The following PIAS2 variants were observed in gnomAD, a reference collection of about 807,000 sequenced individuals.
PIAS2 encodes the protein protein inhibitor of activated STAT 2.
PIAS2 carries 19 observed loss-of-function variants against 69.7 expected under a neutral mutation model. That is an observed-to-expected ratio of 0.27 (90% CI 0.19 to 0.40). The LOEUF is 0.40. PIAS2 is among the 10% of genes least tolerant of loss of function. The pLI is 1.00. For synonymous variants in PIAS2, 261 were observed against 263.2 expected, an observed-to-expected ratio of 0.99 and a Z score of 0.08; for missense variants, 624 against 757.0, an observed-to-expected ratio of 0.82 and a Z score of 2.06.
At chr18:46,828,521 A>G (rs2043139482) in intron 10 of PIAS2, among the ~76,000 whole-genome samples, 1 of 152,226 alleles carries the variant, frequency 6.6e-6, no homozygotes, top group South Asian at 2.1e-4. Flanking sequence ...AGAATGGGTG[A>G]GTTCAACAGC....
chr18:46,819,939 T>TC (rs1269805827), intron 12 of PIAS2, among the ~76,000 whole-genome samples: 1 of 152,144 alleles, frequency 6.6e-6, no homozygotes. Flanking sequence ...TTCCCCCTTA[T>TC]CCAAGATTTT....
intron 2 of PIAS2, among the ~76,000 whole-genome samples, chr18:46,885,889 AAT>A (rs2053100394): frequency 1.3e-5 from 2 of 152,224 alleles, no homozygotes; most frequent in Admixed American, 1.3e-4. Context: ...TTGAACACCA[AAT>A]ATGAAAAGTT....
intron 1 of PIAS2, among the ~76,000 whole-genome samples, chr18:46,910,845 A>C (rs968034244): frequency 6.6e-6 from 1 of 152,220 alleles, no homozygotes; most frequent in Non-Finnish European, 1.5e-5. Flanking sequence ...CCACATGTAA[A>C]CTTTCAATCA....
intron 1 of PIAS2, among the ~76,000 whole-genome samples, chr18:46,904,475 G>A (rs780224061): frequency 2.6e-5 from 4 of 152,154 alleles, no homozygotes; most frequent in Non-Finnish European, 5.9e-5. Context: ...AGAAGGCCGG[G>A]TGCGGTGGCT....
Position 46,809,104 on chromosome 18 carries a change from A to G in PIAS2, c.*3329T>C, listed in dbSNP as rs949961754. The G allele has an allele frequency of 6.6e-6, 1 of 152,218 alleles. No homozygotes were observed. Among genetic ancestry groups the G allele is most frequent in the Non-Finnish European group, 1.5e-5 (1 of 68,030 alleles). The allele number at this position is 152,218 out of a possible 1,614,324, so 9.4% of individuals were successfully genotyped here. A position where few individuals can be genotyped will look rare whatever the true frequency, so the allele number is the denominator to read the frequency against. On this transcript the variant is annotated 3_prime_UTR_variant, in exon 14 of 14. Transcript: ENST00000585916. ...AAAATCCAACATTTTACCTTTCTTC[A>G]AATTCCTCAAGACTAAGGAAAACTT...
intron 1 of PIAS2, among the ~76,000 whole-genome samples, chr18:46,896,165 CAAAAAAA>C (rs1199712335): frequency 7.8e-4 from 25 of 31,932 alleles, no homozygotes; most frequent in South Asian, 2.3e-3. Context: ...AAGAAAAAAG[CAAAAAAA>C]AAAAAAAAAA....
rs1457134413 is a variant in PIAS2, at chr18:46,806,107, T to C, written c.*6326A>G. 6.6e-6 allele frequency: 1 copy of C among 152,166 alleles called. No individual in the cohort carries two copies. Among genetic ancestry groups the C allele is most frequent in the African/African-American group, 2.4e-5 (1 of 41,426 alleles). The allele number at this position is 152,166 out of a possible 1,614,324, so 9.4% of individuals were successfully genotyped here. A position where few individuals can be genotyped will look rare whatever the true frequency, so the allele number is the denominator to read the frequency against. On this transcript the variant is annotated 3_prime_UTR_variant, in exon 14 of 14. Coordinates refer to ENST00000585916, the MANE Select transcript of PIAS2 (RefSeq NM_004671.5). Reference sequence around the variant, plus strand: ...CATCATCTGAAACCAGTTCTCATAATTTTAAGTCTAGATTCCCATATCAGT... The same window carrying C: ...CATCATCTGAAACCAGTTCTCATAACTTTAAGTCTAGATTCCCATATCAGT...
At chr18:46,912,703 T>C (rs1346404746) in intron 1 of PIAS2, among the ~76,000 whole-genome samples, 4 of 152,092 alleles carry the variant, frequency 2.6e-5, no homozygotes, top group East Asian at 1.9e-4. Context: ...TGAAAAAATA[T>C]AGAGAGAAAG....
chr18:46,832,416 AAAACAAAC>A (rs555137415), intron 9 of PIAS2, among the ~76,000 whole-genome samples: 29 of 150,524 alleles, frequency 1.9e-4, no homozygotes, highest in South Asian at 6.4e-4. Flanking sequence ...ACTCCATCTC[AAAACAAAC>A]AAACAAACAA....
At chr18:46,840,176 G>C (rs931634189) in intron 8 of PIAS2, among the ~76,000 whole-genome samples, 1 of 147,914 alleles carries the variant, frequency 6.8e-6, no homozygotes, top group African/African-American at 2.5e-5. Flanking sequence ...GAAAGAAAAA[G>C]AAAAAAAAAA....
chr18:46,816,471 ATTTTT>A, intron 12 of PIAS2: 10 of 802,076 alleles, frequency 1.2e-5, no homozygotes, highest in Non-Finnish European at 1.5e-5. Flanking sequence ...GTTGCTACAG[ATTTTT>A]TTTTTTTCCT....
At chr18:46,818,288 G>A in intron 12 of PIAS2, 1 of 1,357,374 alleles carries the variant, frequency 7.4e-7, no homozygotes, top group Non-Finnish European at 9.5e-7. Flanking sequence ...CTGACAATAT[G>A]GCACTAGCAA....
chr18:46,851,500 A>C (rs780291979), intron 5 of PIAS2, among the ~76,000 whole-genome samples: 34 of 152,168 alleles, frequency 2.2e-4, no homozygotes, highest in Admixed American at 5.9e-4. Flanking sequence ...TCTGGCTGTC[A>C]GTCTGTACAC....
chr18:46,843,071 A>G (rs1037286986), intron 8 of PIAS2, among the ~76,000 whole-genome samples: 2 of 152,196 alleles, frequency 1.3e-5, no homozygotes, highest in Admixed American at 6.5e-5. Flanking sequence ...GAACAGGAAT[A>G]TCAGAACACT....
intron 9 of PIAS2, among the ~76,000 whole-genome samples, chr18:46,831,902 CT>C (rs1262854713): frequency 6.6e-6 from 1 of 152,148 alleles, no homozygotes; most frequent in African/African-American, 2.4e-5. Flanking sequence ...GGGAAAATGT[CT>C]TAAAATAATA....
At chr18:46,823,373 A>T (rs1289839227) in intron 11 of PIAS2, among the ~76,000 whole-genome samples, 1 of 151,416 alleles carries the variant, frequency 6.6e-6, no homozygotes, top group African/African-American at 2.4e-5. Flanking sequence ...CACACTGGAG[A>T]TTTTCTTTTG....
chr18:46,860,928 G>T (rs2145553560), intron 3 of PIAS2, among the ~76,000 whole-genome samples: 1 of 152,222 alleles, frequency 6.6e-6, no homozygotes, highest in African/African-American at 2.4e-5. Flanking sequence ...AACAAGCCAT[G>T]ATCACCACCA....
At chr18:46,818,016 C>A in intron 12 of PIAS2, 1 of 988,592 alleles carries the variant, frequency 1.0e-6, no homozygotes, top group African/African-American at 1.7e-5. Context: ...CGAAGTATTT[C>A]ATGGTTGAAA....
chr18:46,832,440 CAAA>C (rs938797434), intron 9 of PIAS2, among the ~76,000 whole-genome samples: 1 of 149,582 alleles, frequency 6.7e-6, no homozygotes, highest in African/African-American at 2.5e-5. Context: ...AACAAACAAA[CAAA>C]AAAAAGTGGG....
Sources: allele counts gnomAD v4.1 joint callset (sites outside exome capture counted in the v4.1 genomes callset), GRCh38; gene constraint gnomAD v4.1.1; transcripts MANE v1.5; gene names NCBI Gene and HGNC (gene_info 2026-07-23, HGNC 2026-07-21).